Variants in HDAC8 observed in about 807,000 individuals in gnomAD.
The protein encoded by HDAC8 is histone deacetylase-like 1.
Under a neutral mutation model 32.2 loss-of-function variants are expected in HDAC8, and 1 was observed. The observed-to-expected ratio is 0.03, with a 90% CI of 0.01 to 0.15. HDAC8 has a LOEUF of 0.15. Among genes scored for constraint, HDAC8 ranks in the 10% least tolerant of loss-of-function variants. The probability of loss-of-function intolerance (pLI) is 1.00; values close to 1 mark genes in which losing one functional copy is unlikely to be tolerated. For missense variants in HDAC8, 117 were observed against 300.0 expected, an observed-to-expected ratio of 0.39 and a Z score of 4.51; for synonymous variants, 108 against 113.9, an observed-to-expected ratio of 0.95 and a Z score of 0.33.
chrX:72,469,878 G>A lies in HDAC8; in HGVS notation c.738-5147C>T, dbSNP rs139689566. 2.5e-4 allele frequency among the ~76,000 whole-genome samples: 28 copies of A among 110,891 alleles called. 2 individuals are homozygous for A. In the East Asian group the frequency reaches 7.3e-3, roughly 29 times the overall value. ...TAAAAAATTAAACATGGCCGGTCAC[G>A]GTGGCTCATACCTGTAATCCAGCAC... On this transcript the variant is annotated intron_variant, in intron 7 of 10. Coordinates refer to ENST00000373573, the MANE Select transcript of HDAC8 (RefSeq NM_018486.3).
intron 9 of HDAC8, among the ~76,000 whole-genome samples, chrX:72,432,929 T>G (rs2046858263): frequency 9.0e-6 from 1 of 111,725 alleles, no homozygotes; most frequent in Non-Finnish European, 1.9e-5. Flanking sequence ...AGAGGGGCTA[T>G]ATAAACTTTA....
chrX:72,438,570 A>G (rs2047022026), intron 9 of HDAC8, among the ~76,000 whole-genome samples: 1 of 111,404 alleles, frequency 9.0e-6, no homozygotes, highest in South Asian at 3.8e-4. Context: ...CCCTGAAAAC[A>G]GGTTAGAGGA....
At chrX:72,467,770 C>G (rs1025779532) in intron 7 of HDAC8, 1 of 419,461 alleles carries the variant, frequency 2.4e-6, no homozygotes, top group Non-Finnish European at 3.9e-6. Flanking sequence ...CTTTTGCAAC[C>G]ATCCAGGCCA....
chrX:72,469,133 TAACTCCTATTCCCTAG>T (rs2048099228), intron 7 of HDAC8, among the ~76,000 whole-genome samples: 1 of 93,870 alleles, frequency 1.1e-5, no homozygotes, highest in African/African-American at 4.8e-5. Context: ...ATTCTTACTG[TAACTCCTATTCCCTAG>T]TTTTTTTTTT....
chrX:72,572,346 C>T, intron 1 of HDAC8: 2 of 416,846 alleles, frequency 4.8e-6, no homozygotes, highest in East Asian at 4.0e-5. Context: ...ACACCTTCCC[C>T]CTGCAGCTTG....
At chrX:72,334,022 G>T (rs2043610326) in intron 10 of HDAC8, among the ~76,000 whole-genome samples, 1 of 112,498 alleles carries the variant, frequency 8.9e-6, no homozygotes, top group Non-Finnish European at 1.9e-5. Context: ...TAAATTTGGA[G>T]GCAATTAAGA....
intron 4 of HDAC8, among the ~76,000 whole-genome samples, chrX:72,545,532 C>A (rs972790751): frequency 9.0e-6 from 1 of 111,617 alleles, no homozygotes; most frequent in Non-Finnish European, 1.9e-5. Flanking sequence ...ATTCCCTGTG[C>A]CACACTTCAC....
At chrX:72,436,620 G>C (rs919548740) in intron 9 of HDAC8, among the ~76,000 whole-genome samples, 6 of 110,069 alleles carry the variant, frequency 5.5e-5, no homozygotes, top group Admixed American at 4.8e-4. Context: ...AGAAAAAAAA[G>C]AGCATCAGGA....
At chrX:72,442,405 T>C (rs1555982378) in intron 9 of HDAC8, among the ~76,000 whole-genome samples, 2 of 111,631 alleles carry the variant, frequency 1.8e-5, no homozygotes, top group African/African-American at 6.5e-5. Context: ...AAAAGAATTT[T>C]CAACCCAGAA....
intron 4 of HDAC8, among the ~76,000 whole-genome samples, chrX:72,546,299 GACCT>G (rs782806517): frequency 1.5e-4 from 17 of 111,476 alleles, no homozygotes; most frequent in Middle Eastern, 4.2e-3. Context: ...GGACAGAGGG[GACCT>G]AACTGGCATA....
At chrX:72,368,445 C>T (rs1228596552) in intron 9 of HDAC8, among the ~76,000 whole-genome samples, 1 of 107,903 alleles carries the variant, frequency 9.3e-6, no homozygotes, top group Non-Finnish European at 1.9e-5. Flanking sequence ...CAACCTCTGA[C>T]TCCCTGGCTC....
intron 9 of HDAC8, among the ~76,000 whole-genome samples, chrX:72,387,054 C>G (rs2045455459): frequency 8.9e-6 from 1 of 112,146 alleles, no homozygotes; most frequent in African/African-American, 3.2e-5. Context: ...AAACTCTACT[C>G]TTCCTCAAAA....
intron 4 of HDAC8, among the ~76,000 whole-genome samples, chrX:72,511,033 G>C (rs1226826602): frequency 1.8e-5 from 2 of 111,515 alleles, no homozygotes; most frequent in East Asian, 5.6e-4. Context: ...TATCTCCAAT[G>C]ATCTTATTCA....
intron 4 of HDAC8, among the ~76,000 whole-genome samples, chrX:72,558,758 A>G (rs1556104778): frequency 9.0e-6 from 1 of 110,714 alleles, no homozygotes; most frequent in Non-Finnish European, 1.9e-5. Flanking sequence ...GACAAGAGAA[A>G]GAAATAAAGG....
intron 10 of HDAC8, among the ~76,000 whole-genome samples, chrX:72,339,863 A>C (rs1283845991): frequency 8.9e-6 from 1 of 112,074 alleles, no homozygotes; most frequent in African/African-American, 3.2e-5. Context: ...TTAGCTCTTA[A>C]TTGTCAACTG....
At chrX:72,480,122 C>T (rs992478181) in intron 7 of HDAC8, among the ~76,000 whole-genome samples, 1 of 111,863 alleles carries the variant, frequency 8.9e-6, no homozygotes, top group African/African-American at 3.3e-5. Flanking sequence ...TGCCATACCC[C>T]GGAGAGGCAG....
Position 72,356,660 on chromosome X carries a change from C to A in HDAC8, c.1006-4822G>T, listed in dbSNP as rs782638451. ...CGTGATCTCGACTCACTGCAGCTTC[C>A]ACCTCCCCTCCCGGGTTCAAGTGAT... On this transcript the variant is annotated intron_variant, in intron 9 of 10. Coordinates refer to ENST00000373573, the MANE Select transcript of HDAC8 (RefSeq NM_018486.3). Among the ~76,000 whole-genome samples, 6 of 110,635 alleles carry A rather than the reference C, an allele frequency of 5.4e-5. No individual in the cohort carries two copies. In the South Asian group the frequency reaches 2.4e-3, roughly 44 times the overall value.
intron 9 of HDAC8, among the ~76,000 whole-genome samples, chrX:72,387,883 G>T (rs782438430): frequency 9.0e-6 from 1 of 110,819 alleles, no homozygotes; most frequent in African/African-American, 3.3e-5. Flanking sequence ...ATATAATAAG[G>T]TCTCAAGTTA....
chrX:72,497,606 C>G (rs1321092064), intron 4 of HDAC8, among the ~76,000 whole-genome samples: 6 of 111,143 alleles, frequency 5.4e-5, no homozygotes, highest in African/African-American at 2.0e-4. Context: ...TATATTCTTC[C>G]TCAACATAGA....
Sources: gnomAD v4.1 joint callset for allele counts (sites outside exome capture counted in the v4.1 genomes callset) on GRCh38, gnomAD v4.1.1 for gene constraint, MANE v1.5 for transcripts, NCBI Gene and HGNC (gene_info 2026-07-23, HGNC 2026-07-21) for gene names.